LEPROT: variants seen among roughly 807,000 people sequenced by gnomAD.
The protein encoded by LEPROT is leptin receptor gene-related protein.
In LEPROT, 3 loss-of-function variants were observed where a neutral mutation model predicts 15.4. That is an observed-to-expected ratio of 0.19 (90% CI 0.09 to 0.50). LEPROT has a LOEUF of 0.50. Ranked by LOEUF, LEPROT falls within the 20% of genes least tolerant of loss-of-function variation. LEPROT has a pLI of 0.97. For synonymous variants in LEPROT, 59 were observed against 57.5 expected (o/e 1.03, Z -0.12); for missense variants, 137 against 162.2 (o/e 0.84, Z 0.84).
intron 2 of LEPROT, among the ~76,000 whole-genome samples, chr1:65,429,281 C>T (rs1304020098): frequency 6.6e-6 from 1 of 151,984 alleles, no homozygotes; most frequent in Admixed American, 6.6e-5. Flanking sequence ...GCACAGCTAG[C>T]GCAAAGGCCC....
rs1646490905 is a variant in LEPROT, at chr1:65,431,922, C to G, written c.*3C>G. 1.2e-6 allele frequency: 2 copies of G among 1,612,944 alleles called. No homozygotes were observed. Among genetic ancestry groups the G allele is most frequent in the Admixed American group, 3.3e-5 (2 of 59,772 alleles). Reference sequence around the variant, plus strand: ...ATTTTAGCTGGGAGCAGTGGTAGCACTTTATTCTGATTACAGTGCATTGAA... The same window carrying G: ...ATTTTAGCTGGGAGCAGTGGTAGCAGTTTATTCTGATTACAGTGCATTGAA... On this transcript the variant is annotated 3_prime_UTR_variant, in exon 4 of 4. Coordinates refer to ENST00000371065, the MANE Select transcript of LEPROT (RefSeq NM_017526.5).
At position 65,431,666 on chromosome 1, in the gene LEPROT, T is replaced by C. The variant is rs935501314; in HGVS notation, c.280-137T>C. The C allele has an allele frequency of 5.1e-6, 4 of 790,768 alleles. No individual in the cohort carries two copies. The African/African-American group carries it at 7.0e-5, about 14-fold the overall frequency. 49.0% of individuals were successfully genotyped at this position (790,768 alleles called of 1,614,324 possible). A position where few individuals can be genotyped will look rare whatever the true frequency, so the allele number is the denominator to read the frequency against. On this transcript the variant is annotated intron_variant, in intron 3 of 3. Coordinates refer to ENST00000371065, the MANE Select transcript of LEPROT (RefSeq NM_017526.5). ...ACTCATTACTGAACAGTTCATTGTCTCCTGTTACATTATTAAGCCTTTTAG... is the reference window on the plus strand; with the variant it reads ...ACTCATTACTGAACAGTTCATTGTCCCCTGTTACATTATTAAGCCTTTTAG...
In LEPROT at chr1:65,435,316, T is replaced by A; in HGVS notation, c.*3397T>A. The A allele has an allele frequency of 1.6e-5, 16 of 985,256 alleles. No homozygotes were observed. The highest frequency in any genetic ancestry group is 1.8e-5 in the Non-Finnish European group (15 of 829,818). 61.0% of individuals were successfully genotyped at this position (985,256 alleles called of 1,614,324 possible). A position where few individuals can be genotyped will look rare whatever the true frequency, so the allele number is the denominator to read the frequency against. ...TTCATTATGTTAATAACCTTCTTTA[T>A]GTTCTCAGGGAAATGCTTAGGTGGT... On this transcript the variant is annotated 3_prime_UTR_variant, in exon 4 of 4. Transcript: ENST00000371065.
chr1:65,424,196 T>C (rs1557579764), intron 1 of LEPROT, among the ~76,000 whole-genome samples: 1 of 152,216 alleles, frequency 6.6e-6, no homozygotes, highest in Non-Finnish European at 1.5e-5. Context: ...CAGAGACTAG[T>C]GTCCAATAGA....
Position 65,434,405 on chromosome 1 carries a change from G to A in LEPROT, c.*2486G>A. 1.0e-6 allele frequency: 1 copy of A among 985,312 alleles called. No individual in the cohort carries two copies. The highest frequency in any genetic ancestry group is 1.2e-6 in the Non-Finnish European group (1 of 829,910). The allele number at this position is 985,312 out of a possible 1,614,324, so 61.0% of individuals were successfully genotyped here. A position where few individuals can be genotyped will look rare whatever the true frequency, so the allele number is the denominator to read the frequency against. Reference sequence around the variant, plus strand: ...AACTGAGATTGCACTTCCAAAATTGGCCACAAGTAAATAATCTTATGAAGG... The same window carrying A: ...AACTGAGATTGCACTTCCAAAATTGACCACAAGTAAATAATCTTATGAAGG... On this transcript the variant is annotated 3_prime_UTR_variant, in exon 4 of 4. Coordinates refer to ENST00000371065, the MANE Select transcript of LEPROT (RefSeq NM_017526.5).
At chr1:65,427,989 TA>T (rs980164462) in intron 2 of LEPROT, 5 of 157,960 alleles carry the variant, frequency 3.2e-5, no homozygotes, top group African/African-American at 1.2e-4. Context: ...GTTTTTGTAA[TA>T]AAGGTTTTAT....
At position 65,433,945 on chromosome 1, in the gene LEPROT, C is replaced by A. The variant is rs1223071972; in HGVS notation, c.*2026C>A. 2.0e-6 allele frequency: 2 copies of A among 984,962 alleles called. No individual in the cohort carries two copies. The highest frequency in any genetic ancestry group is 2.4e-6 in the Non-Finnish European group (2 of 829,676). The allele number at this position is 984,962 out of a possible 1,614,324, so 61.0% of individuals were successfully genotyped here. A position where few individuals can be genotyped will look rare whatever the true frequency, so the allele number is the denominator to read the frequency against. On this transcript the variant is annotated 3_prime_UTR_variant, in exon 4 of 4. Transcript: ENST00000371065. ...AACAGTAGCAATAAGTTTTAGGATA[C>A]CATCTTGAATGTCTAGTTGGTGTGC...
chr1:65,431,660 A>C (rs572403193), intron 3 of LEPROT, 143 bp from the exon 4 acceptor site: 1 of 758,150 alleles, frequency 1.3e-6, no homozygotes, highest in African/African-American at 1.8e-5. Flanking sequence ...TGAACAGTTC[A>C]TTGTCTCCTG....
At chr1:65,423,975 A>G (rs1646306144) in intron 1 of LEPROT, among the ~76,000 whole-genome samples, 1 of 152,226 alleles carries the variant, frequency 6.6e-6, no homozygotes. Flanking sequence ...TTTAATTCCC[A>G]TAAGCTCAAT....
intron 2 of LEPROT, chr1:65,427,811 TAGA>T: frequency 2.4e-6 from 1 of 418,084 alleles, no homozygotes; most frequent in Non-Finnish European, 4.8e-6. Flanking sequence ...TGATTTTTTT[TAGA>T]AGTTTTTGTA....
chr1:65,434,567 C>T lies in LEPROT; in HGVS notation c.*2648C>T, dbSNP rs1646532976. 2 of 985,296 alleles carry T rather than the reference C, an allele frequency of 2.0e-6. No homozygotes were observed. The highest frequency in any genetic ancestry group is 2.4e-6 in the Non-Finnish European group (2 of 829,942). The allele number at this position is 985,296 out of a possible 1,614,324, so 61.0% of individuals were successfully genotyped here. A position where few individuals can be genotyped will look rare whatever the true frequency, so the allele number is the denominator to read the frequency against. On this transcript the variant is annotated 3_prime_UTR_variant, in exon 4 of 4. Coordinates refer to ENST00000371065, the MANE Select transcript of LEPROT (RefSeq NM_017526.5). Reference sequence around the variant, plus strand: ...CAGGTTCAACTCTAATATACCTAACCTGTGATACTGAAGGTGCCTGCCTGA... The same window carrying T: ...CAGGTTCAACTCTAATATACCTAACTTGTGATACTGAAGGTGCCTGCCTGA...
chr1:65,431,245 C>G (rs866880841), intron 3 of LEPROT, among the ~76,000 whole-genome samples: 1 of 152,130 alleles, frequency 6.6e-6, no homozygotes, highest in South Asian at 2.1e-4. Context: ...TGTGAAGAAA[C>G]TTTCATTGAT....
Position 65,434,172 on chromosome 1 carries a change from C to A in LEPROT, c.*2253C>A. ...GAAGTGATAGATTATTAGATTTGCTCTATGTCTGAAAAGAGAGCTATTCTG... is the reference window on the plus strand; with the variant it reads ...GAAGTGATAGATTATTAGATTTGCTATATGTCTGAAAAGAGAGCTATTCTG... On this transcript the variant is annotated 3_prime_UTR_variant, in exon 4 of 4. Coordinates refer to ENST00000371065, the MANE Select transcript of LEPROT (RefSeq NM_017526.5). 1 of 984,064 alleles carries A rather than the reference C, an allele frequency of 1.0e-6. No homozygotes were observed. The highest frequency in any genetic ancestry group is 1.2e-6 in the Non-Finnish European group (1 of 828,774). 61.0% of individuals were successfully genotyped at this position (984,064 alleles called of 1,614,324 possible).
Position 65,435,358 on chromosome 1 carries a change from T to G in LEPROT, c.*3439T>G, listed in dbSNP as rs1463342375. On this transcript the variant is annotated 3_prime_UTR_variant, in exon 4 of 4. Transcript: ENST00000371065. Reference sequence around the variant, plus strand: ...TTAGGTGGTGTCACAAAATGTGCCTTTTCTTTTCTTTTTTTTTTTTTTTTT... The same window carrying G: ...TTAGGTGGTGTCACAAAATGTGCCTGTTCTTTTCTTTTTTTTTTTTTTTTT... 1 of 923,032 alleles carries G rather than the reference T, an allele frequency of 1.1e-6. No homozygotes were observed. The highest frequency in any genetic ancestry group is 1.3e-6 in the Non-Finnish European group (1 of 795,144). The allele number at this position is 923,032 out of a possible 1,614,324, so 57.2% of individuals were successfully genotyped here.
chr1:65,421,326 A>G (rs1298258152), intron 1 of LEPROT: 24 of 1,531,766 alleles, frequency 1.6e-5, no homozygotes, highest in Non-Finnish European at 2.0e-5. Context: ...GTTTATGGAC[A>G]GAGAAGAAAC....
At chr1:65,424,906 G>A (rs1203201707) in intron 1 of LEPROT, among the ~76,000 whole-genome samples, 1 of 152,218 alleles carries the variant, frequency 6.6e-6, no homozygotes, top group Non-Finnish European at 1.5e-5. Context: ...ATCTCACGGT[G>A]AGAGGGATGG....
At chr1:65,427,966 T>A (rs916314805) in intron 2 of LEPROT, 1 of 160,632 alleles carries the variant, frequency 6.2e-6, no homozygotes, top group African/African-American at 2.4e-5. Flanking sequence ...CTGCCACATA[T>A]AACCTGCTAC....
intron 2 of LEPROT, among the ~76,000 whole-genome samples, chr1:65,426,971 C>G (rs915675364): frequency 3.3e-5 from 5 of 151,296 alleles, no homozygotes; most frequent in African/African-American, 4.9e-5. Context: ...GCACTCTAGC[C>G]TGGCGACAGA....
In LEPROT at chr1:65,435,599, C is replaced by G; in HGVS notation, c.*3680C>G. On this transcript the variant is annotated 3_prime_UTR_variant, in exon 4 of 4. Coordinates refer to ENST00000371065, the MANE Select transcript of LEPROT (RefSeq NM_017526.5). ...AGCCAGGATGGTCTCGATCTCCTGA[C>G]CTCATGATCCGCCCGCCTCTGCCTC... The G allele has an allele frequency of 1.5e-6, 1 of 665,106 alleles. No homozygotes were observed. The highest frequency in any genetic ancestry group is 1.9e-6 in the Non-Finnish European group (1 of 537,502). The allele number at this position is 665,106 out of a possible 1,614,324, so 41.2% of individuals were successfully genotyped here. A position where few individuals can be genotyped will look rare whatever the true frequency, so the allele number is the denominator to read the frequency against.
Sources: gnomAD v4.1 joint callset for allele counts (sites outside exome capture counted in the v4.1 genomes callset) on GRCh38, gnomAD v4.1.1 for gene constraint, MANE v1.5 for transcripts, NCBI Gene and HGNC (gene_info 2026-07-23, HGNC 2026-07-21) for gene names.